Variants in VWA8 observed in about 807,000 individuals in gnomAD.
VWA8 encodes the protein von Willebrand factor A domain containing 8.
In VWA8, 221 loss-of-function variants were observed where a neutral mutation model predicts 241.5. The observed-to-expected ratio is 0.91, with a 90% confidence interval of 0.82 to 1.02. The LOEUF (loss-of-function observed/expected upper bound fraction) is 1.02, where lower values mean the gene tolerates loss of function less well. VWA8 is among the 50% of genes least tolerant of loss of function. The pLI is 0.00. For missense variants in VWA8, 2,322 were observed against 2,328.7 expected (o/e 1.00, Z 0.06); for synonymous variants, 852 against 827.1 (o/e 1.03, Z -0.52).
chr13:41,828,276 C>T (rs1871265059), intron 14 of VWA8, among the ~76,000 whole-genome samples: 1 of 152,012 alleles, frequency 6.6e-6, no homozygotes, highest in South Asian at 2.1e-4. Flanking sequence ...ATAATAAATA[C>T]ACTTAATTAT....
At chr13:41,777,481 C>G (rs2137928450) in intron 20 of VWA8, among the ~76,000 whole-genome samples, 1 of 152,134 alleles carries the variant, frequency 6.6e-6, no homozygotes, top group Non-Finnish European at 1.5e-5. Flanking sequence ...GGGGCCATGG[C>G]TTAGGAATAG....
chr13:41,625,371 A>C (rs1291621177), intron 37 of VWA8, among the ~76,000 whole-genome samples: 1 of 151,470 alleles, frequency 6.6e-6, no homozygotes, highest in Non-Finnish European at 1.5e-5. Flanking sequence ...CAATGAACTC[A>C]AACAAATTTA....
intron 2 of VWA8, among the ~76,000 whole-genome samples, chr13:41,942,892 GGCC>G (rs1175938534): frequency 6.6e-6 from 1 of 152,178 alleles, no homozygotes; most frequent in Non-Finnish European, 1.5e-5. Flanking sequence ...TCACTGAAGT[GGCC>G]TCTGGAGGCT....
At position 41,874,203 on chromosome 13, in the gene VWA8, C is replaced by G. The variant is rs1157245561; in HGVS notation, c.1081-5726G>C. On this transcript the variant is annotated intron_variant, in intron 9 of 44. Coordinates refer to ENST00000379310, the MANE Select transcript of VWA8 (RefSeq NM_015058.2). ...CGTATCTCAAAATAATAAGAGCTATCTATGACAAACCCACAGCCAATATCA... is the reference window on the plus strand; with the variant it reads ...CGTATCTCAAAATAATAAGAGCTATGTATGACAAACCCACAGCCAATATCA... 5.3e-5 allele frequency among the ~76,000 whole-genome samples: 8 copies of G among 150,638 alleles called. No individual in the cohort carries two copies. The East Asian group carries it at 1.4e-3, about 26-fold the overall frequency.
intron 35 of VWA8, among the ~76,000 whole-genome samples, chr13:41,676,499 C>T (rs566208014): frequency 7.2e-5 from 11 of 152,270 alleles, no homozygotes; most frequent in South Asian, 2.1e-4. Flanking sequence ...ATGAATATGG[C>T]TCATGTGTTC....
chr13:41,768,122 A>T (rs946612107), intron 20 of VWA8, among the ~76,000 whole-genome samples: 1 of 152,264 alleles, frequency 6.6e-6, no homozygotes, highest in Non-Finnish European at 1.5e-5. Context: ...CAAGTATTTC[A>T]TAGCCTTGGG....
intron 12 of VWA8, among the ~76,000 whole-genome samples, chr13:41,835,623 A>T (rs1248068010): frequency 6.6e-6 from 1 of 152,192 alleles, no homozygotes; most frequent in African/African-American, 2.4e-5. Flanking sequence ...CACCAAAGGG[A>T]TCGCTCTCTA....
At chr13:41,860,860 A>G (rs1409681358) in intron 12 of VWA8, among the ~76,000 whole-genome samples, 1 of 152,182 alleles carries the variant, frequency 6.6e-6, no homozygotes, top group Non-Finnish European at 1.5e-5. Context: ...CATACAGTAT[A>G]AAACTAACTA....
intron 2 of VWA8, among the ~76,000 whole-genome samples, chr13:41,925,315 T>C (rs1876779203): frequency 6.6e-6 from 1 of 152,212 alleles, no homozygotes; most frequent in South Asian, 2.1e-4. Flanking sequence ...TGAGTACATA[T>C]TGAAGTATAA....
chr13:41,876,903 A>G (rs1332967647), intron 9 of VWA8, among the ~76,000 whole-genome samples: 2 of 151,994 alleles, frequency 1.3e-5, no homozygotes, highest in Admixed American at 1.3e-4. Flanking sequence ...TACTTATCCA[A>G]TCCTGAAATG....
At chr13:41,712,734 G>T (rs1347476384) in intron 26 of VWA8, among the ~76,000 whole-genome samples, 2 of 152,078 alleles carry the variant, frequency 1.3e-5, no homozygotes, top group African/African-American at 4.8e-5. Flanking sequence ...TTTATTTAAG[G>T]TCTCTTGAAT....
rs543482097 is a variant in VWA8, at chr13:41,755,301, A to G, written c.2426+5827T>C. Among the ~76,000 whole-genome samples the G allele has an allele frequency of 2.0e-5, 3 of 152,202 alleles. No homozygotes were observed. In the East Asian group the frequency reaches 5.8e-4, roughly 29 times the overall value. ...ATTGACTGACTTTTGGATACAAGCCATTTTAACTGGGTAATATATATATTT... is the reference window on the plus strand; with the variant it reads ...ATTGACTGACTTTTGGATACAAGCCGTTTTAACTGGGTAATATATATATTT... On this transcript the variant is annotated intron_variant, in intron 21 of 44. Coordinates refer to ENST00000379310, the MANE Select transcript of VWA8 (RefSeq NM_015058.2).
At chr13:41,679,788 T>A (rs537230790) in intron 35 of VWA8, among the ~76,000 whole-genome samples, 1 of 150,942 alleles carries the variant, frequency 6.6e-6, no homozygotes, top group Non-Finnish European at 1.5e-5. Context: ...GAGATCTACA[T>A]GCACATAGAA....
At chr13:41,674,679 C>T (rs906373890) in intron 36 of VWA8, among the ~76,000 whole-genome samples, 3 of 152,014 alleles carry the variant, frequency 2.0e-5, no homozygotes, top group Non-Finnish European at 2.9e-5. Flanking sequence ...CTCAGTTTAC[C>T]TAGTTTAAAT....
At chr13:41,743,864 A>G (rs1239015507) in intron 21 of VWA8, among the ~76,000 whole-genome samples, 1 of 152,198 alleles carries the variant, frequency 6.6e-6, no homozygotes, top group Non-Finnish European at 1.5e-5. Context: ...GAGGAACTCA[A>G]TAAAAGTTTG....
In VWA8 at chr13:41,703,422, T is replaced by C; in HGVS notation, c.3117-11A>G. Reference sequence around the variant, plus strand: ...TCTGGCAGAGTCAACCTGTTAAGGATGATTTGCAAAGTAAATATTTCTTAT... The same window carrying C: ...TCTGGCAGAGTCAACCTGTTAAGGACGATTTGCAAAGTAAATATTTCTTAT... On this transcript the variant is annotated splice_polypyrimidine_tract_variant and intron_variant, in intron 26 of 44. Coordinates refer to ENST00000379310, the MANE Select transcript of VWA8 (RefSeq NM_015058.2). The C allele has an allele frequency of 3.1e-6, 5 of 1,612,072 alleles. No individual in the cohort carries two copies. Among genetic ancestry groups the C allele is most frequent in the Non-Finnish European group, 4.2e-6 (5 of 1,178,498 alleles).
chr13:41,641,125 T>TCAAGCA (rs1196505089), intron 37 of VWA8, among the ~76,000 whole-genome samples: 8 of 152,260 alleles, frequency 5.3e-5, no homozygotes, highest in African/African-American at 1.7e-4. Context: ...TTTAAAATCT[T>TCAAGCA]CAAGCACGCA....
At chr13:41,730,517 G>C (rs1322022731) in intron 22 of VWA8, among the ~76,000 whole-genome samples, 3 of 152,082 alleles carry the variant, frequency 2.0e-5, no homozygotes, top group Non-Finnish European at 2.9e-5. Flanking sequence ...AAAGGCATTA[G>C]ATTGATTTGA....
At chr13:41,886,076 G>A in intron 7 of VWA8, 48 bp from the exon 8 acceptor site, 1 of 1,264,760 alleles carries the variant, frequency 7.9e-7, no homozygotes, top group Non-Finnish European at 1.1e-6. Context: ...AATATAAAAT[G>A]TGTAAGTTGT....
Sources: allele counts gnomAD v4.1 joint callset (sites outside exome capture counted in the v4.1 genomes callset), GRCh38; gene constraint gnomAD v4.1.1; transcripts MANE v1.5; gene names NCBI Gene and HGNC (gene_info 2026-07-23, HGNC 2026-07-21).